Variants in NTM observed in about 807,000 individuals in gnomAD.
NTM encodes neurotrimin.
Under a neutral mutation model 42.1 loss-of-function variants are expected in NTM, and 13 were observed. That is an observed-to-expected ratio of 0.31 (90% CI 0.20 to 0.49). NTM has a LOEUF of 0.49. Among genes scored for constraint, NTM ranks in the 20% least tolerant of loss-of-function variants. NTM has a pLI of 0.99. For missense variants in NTM, 373 were observed against 452.8 expected (o/e 0.82, Z 1.60); for synonymous variants, 187 against 179.2 (o/e 1.04, Z -0.35).
chr11:132,111,291 A>AT (rs1401013006), intron 2 of NTM, among the ~76,000 whole-genome samples: 4 of 151,048 alleles, frequency 2.6e-5, no homozygotes, highest in African/African-American at 9.7e-5. Flanking sequence ...AAATATATGT[A>AT]TTTTTTATAT....
intron 2 of NTM, among the ~76,000 whole-genome samples, chr11:132,124,973 G>T (rs2065433202): frequency 6.6e-6 from 1 of 152,188 alleles, no homozygotes; most frequent in Admixed American, 6.5e-5. Context: ...ACTTCAGCCT[G>T]GGTGCCAGCA....
chr11:132,266,053 G>T (rs1162204746), intron 4 of NTM, among the ~76,000 whole-genome samples: 1 of 152,208 alleles, frequency 6.6e-6, no homozygotes, highest in Non-Finnish European at 1.5e-5. Flanking sequence ...GACAGAGCAG[G>T]AGGGAGAGCA....
At chr11:131,620,905 A>G (rs1156615738) in intron 1 of NTM, among the ~76,000 whole-genome samples, 1 of 152,234 alleles carries the variant, frequency 6.6e-6, no homozygotes, top group East Asian at 1.9e-4. Context: ...TACTTGGCAC[A>G]TAGTAGATGT....
intron 1 of NTM, among the ~76,000 whole-genome samples, chr11:131,495,878 G>A (rs539896107): frequency 6.6e-6 from 1 of 152,350 alleles, no homozygotes; most frequent in African/African-American, 2.4e-5. Context: ...TCATTGGTGG[G>A]ATGGATTTGC....
chr11:132,027,650 C>T (rs544525668), intron 2 of NTM, among the ~76,000 whole-genome samples: 7 of 152,152 alleles, frequency 4.6e-5, no homozygotes, highest in Non-Finnish European at 8.8e-5. Context: ...AGCCCTCTTC[C>T]CCGACCCTCA....
At chr11:131,807,140 A>G (rs1376998782) in intron 1 of NTM, among the ~76,000 whole-genome samples, 2 of 152,198 alleles carry the variant, frequency 1.3e-5, no homozygotes, top group African/African-American at 2.4e-5. Flanking sequence ...TGCCTCCCCC[A>G]TGGCTGTGAC....
At chr11:131,691,419 A>C (rs2074689620) in intron 1 of NTM, among the ~76,000 whole-genome samples, 1 of 152,106 alleles carries the variant, frequency 6.6e-6, no homozygotes, top group Non-Finnish European at 1.5e-5. Flanking sequence ...CCACGTCACG[A>C]GGAGCTCCGG....
At chr11:131,976,327 C>T (rs2064379002) in intron 2 of NTM, among the ~76,000 whole-genome samples, 1 of 152,070 alleles carries the variant, frequency 6.6e-6, no homozygotes, top group Non-Finnish European at 1.5e-5. Flanking sequence ...TATTCTTGCT[C>T]CTGTTTTGCC....
intron 3 of NTM, among the ~76,000 whole-genome samples, chr11:132,191,470 G>A (rs1190786209): frequency 6.6e-6 from 1 of 152,182 alleles, no homozygotes; most frequent in East Asian, 1.9e-4. Context: ...ACTATACCCA[G>A]CTTGCATCGC....
chr11:131,627,486 C>T (rs1374125101), intron 1 of NTM, among the ~76,000 whole-genome samples: 1 of 152,088 alleles, frequency 6.6e-6, no homozygotes, highest in Non-Finnish European at 1.5e-5. Flanking sequence ...ACCTCCATGA[C>T]TAGATTATAC....
At chr11:132,094,458 C>T (rs999384111) in intron 2 of NTM, among the ~76,000 whole-genome samples, 6 of 152,208 alleles carry the variant, frequency 3.9e-5, no homozygotes, top group Non-Finnish European at 7.4e-5. Flanking sequence ...TGTGGCTACT[C>T]GGGTGTCTCT....
chr11:131,458,088 T>C (rs975511154), intron 1 of NTM, among the ~76,000 whole-genome samples: 1 of 151,868 alleles, frequency 6.6e-6, no homozygotes, highest in Non-Finnish European at 1.5e-5. Context: ...AGGGGATGAG[T>C]GTGAGTAGAG....
intron 1 of NTM, among the ~76,000 whole-genome samples, chr11:131,455,226 AG>A (rs1950780100): frequency 1.3e-5 from 2 of 152,206 alleles, no homozygotes; most frequent in African/African-American, 4.8e-5. Context: ...AGCTGCAGCC[AG>A]CCCCGTGGGT....
intron 1 of NTM, chr11:131,502,870 T>A (rs1290310630): frequency 6.6e-6 from 1 of 152,270 alleles, no homozygotes; most frequent in Non-Finnish European, 1.5e-5. Flanking sequence ...ACGAGAGACC[T>A]GAGATCAACC....
intron 4 of NTM, among the ~76,000 whole-genome samples, chr11:132,284,527 G>A (rs1190757799): frequency 6.6e-6 from 1 of 151,976 alleles, no homozygotes; most frequent in Non-Finnish European, 1.5e-5. Flanking sequence ...CTGCGATACT[G>A]GGACCCTGCT....
intron 1 of NTM, among the ~76,000 whole-genome samples, chr11:131,600,549 G>T (rs998274147): frequency 4.6e-5 from 7 of 152,096 alleles, no homozygotes; most frequent in Non-Finnish European, 8.8e-5. Flanking sequence ...AACAAAAAGG[G>T]GATTTTAATT....
intron 3 of NTM, among the ~76,000 whole-genome samples, chr11:132,147,816 G>A (rs7938126): frequency 0.031 from 4,781 of 152,190 alleles, 271 homozygotes; most frequent in African/African-American, 0.11. Context: ...AAGAACTATG[G>A]GATGATTGGT....
intron 7 of NTM, among the ~76,000 whole-genome samples, chr11:132,315,223 T>G (rs1229430660): frequency 6.6e-6 from 1 of 152,248 alleles, no homozygotes; most frequent in Admixed American, 6.5e-5. Context: ...TTTCCAAAAC[T>G]GTCTCCAGTC....
At chr11:131,683,005 C>G (rs549057784) in intron 1 of NTM, among the ~76,000 whole-genome samples, 1 of 152,308 alleles carries the variant, frequency 6.6e-6, no homozygotes, top group African/African-American at 2.4e-5. Flanking sequence ...CTCTATCACG[C>G]AAGCACGTGC....
Sources: gnomAD v4.1 joint callset for allele counts (sites outside exome capture counted in the v4.1 genomes callset) on GRCh38, gnomAD v4.1.1 for gene constraint, MANE v1.5 for transcripts, NCBI Gene and HGNC (gene_info 2026-07-23, HGNC 2026-07-21) for gene names.